Variants in DACH1 observed in about 807,000 individuals in gnomAD.
DACH1 encodes dachshund family transcription factor 1.
In DACH1, 12 loss-of-function variants were observed where a neutral mutation model predicts 54.2. The observed-to-expected ratio is 0.22, with a 90% confidence interval of 0.14 to 0.36. DACH1 has a LOEUF of 0.36. Among genes scored for constraint, DACH1 ranks in the 10% least tolerant of loss-of-function variants. The probability of loss-of-function intolerance (pLI) is 1.00; values close to 1 mark genes in which losing one functional copy is unlikely to be tolerated. For synonymous variants in DACH1, 386 were observed against 366.2 expected, an observed-to-expected ratio of 1.05 and a Z score of -0.62; for missense variants, 805 against 929.8, an observed-to-expected ratio of 0.87 and a Z score of 1.75.
chr13:71,675,194 C>G (rs1880484506), intron 2 of DACH1: 1 of 1,579,136 alleles, frequency 6.3e-7, no homozygotes, highest in East Asian at 2.2e-5. Context: ...CGTAACAGGC[C>G]TGGTACTGTG....
intron 6 of DACH1, among the ~76,000 whole-genome samples, chr13:71,511,016 A>C (rs953859799): frequency 3.9e-5 from 6 of 152,136 alleles, no homozygotes; most frequent in African/African-American, 1.4e-4. Context: ...TGTTTATACA[A>C]ATTCATTACT....
In DACH1 at chr13:71,821,423, TTTTAAA is replaced by T. The variant is rs111890612; in HGVS notation, c.848+44493_848+44498del. ...CCTTCTCAGCTTGATTATTCTAAGA[TTTTAAA>T]TTTAAATTTAAATTTAAATTCTAAG... On this transcript the variant is annotated intron_variant, in intron 1 of 10. Transcript: ENST00000613252. Among the ~76,000 whole-genome samples, 334 of 46,932 alleles carry T rather than the reference TTTTAAA, an allele frequency of 7.1e-3. 1 individual carries two copies. The highest frequency in any genetic ancestry group is 0.024 in the Middle Eastern group (2 of 82). The allele number at this position is 46,932 out of a possible 152,430, so 30.8% of individuals were successfully genotyped here. A position where few individuals can be genotyped will look rare whatever the true frequency, so the allele number is the denominator to read the frequency against.
intron 6 of DACH1, among the ~76,000 whole-genome samples, chr13:71,552,242 G>C (rs925071244): frequency 2.6e-5 from 4 of 152,072 alleles, no homozygotes; most frequent in African/African-American, 9.7e-5. Flanking sequence ...CTAGCTTTCA[G>C]TAAATATTTA....
At chr13:71,646,337 C>CA (rs1174658213) in intron 2 of DACH1, among the ~76,000 whole-genome samples, 1,006 of 97,798 alleles carry the variant, frequency 0.01, 8 homozygotes, top group Non-Finnish European at 0.015. Context: ...AACTCCGTCT[C>CA]AAAAAAAAAA....
intron 6 of DACH1, among the ~76,000 whole-genome samples, chr13:71,507,322 T>C (rs1240645036): frequency 2.0e-5 from 3 of 152,174 alleles, no homozygotes; most frequent in African/African-American, 7.2e-5. Flanking sequence ...TTTTTTAGCA[T>C]AGAAATTCTC....
rs984094988 is a variant in DACH1 at position 71,866,223 on chromosome 13, G to C, written c.547C>G (p.Pro183Ala). ...ACCATTTTGCACTCATTATTCTGAG[G>C]GGTGTTTTCCACTGGGGACGGGGTT... ...YSTPSPVENT[P>A]QNNECKMVDL... Residue 183 changes from proline (P) to alanine (A), a missense_variant, in exon 1 of 11, where the codon CCT (proline) becomes GCT (alanine). Pro to Ala is a conservative substitution (Grantham distance 27, BLOSUM62 -1). This residue lies in a region of DACH1 where 305 missense variants were observed against 308.7 expected (regional missense o/e 0.99). Transcript: ENST00000613252. The C allele has an allele frequency of 6.2e-7, 1 of 1,612,760 alleles. No homozygotes were observed. Among genetic ancestry groups the C allele is most frequent in the Non-Finnish European group, 8.5e-7 (1 of 1,179,382 alleles).
intron 3 of DACH1, among the ~76,000 whole-genome samples, chr13:71,610,629 A>T (rs1177520175): frequency 2.0e-5 from 3 of 152,162 alleles, no homozygotes; most frequent in Non-Finnish European, 4.4e-5. Context: ...GTATAATAAT[A>T]ATTTCACCAG....
At chr13:71,865,562 C>T (rs1297957942) in intron 1 of DACH1, among the ~76,000 whole-genome samples, 2 of 152,102 alleles carry the variant, frequency 1.3e-5, no homozygotes, top group African/African-American at 4.8e-5. Context: ...GAGGGGTCTC[C>T]AGGCGCCCGC....
rs377046469 is a variant in DACH1, at chr13:71,756,186, A to C, written c.849-74276T>G. ...CCTGGGACTACAGGCACATGCCACCACACTCGGCTAATTTTTTTTTCTTTT... is the reference window on the plus strand; with the variant it reads ...CCTGGGACTACAGGCACATGCCACCCCACTCGGCTAATTTTTTTTTCTTTT... On this transcript the variant is annotated intron_variant, in intron 1 of 10. Transcript: ENST00000613252. Among the ~76,000 whole-genome samples, 3 of 152,038 alleles carry C rather than the reference A, an allele frequency of 2.0e-5. No individual in the cohort carries two copies. The South Asian group carries it at 6.2e-4, about 32-fold the overall frequency.
At chr13:71,621,333 C>T (rs1021552844) in intron 3 of DACH1, among the ~76,000 whole-genome samples, 3 of 151,972 alleles carry the variant, frequency 2.0e-5, no homozygotes, top group Non-Finnish European at 4.4e-5. Flanking sequence ...GTCCCTGTCG[C>T]ATTTGCCCTT....
chr13:71,597,972 T>C (rs528759559), intron 3 of DACH1, among the ~76,000 whole-genome samples: 6 of 148,692 alleles, frequency 4.0e-5, no homozygotes, highest in Admixed American at 1.3e-4. Flanking sequence ...AAAAAAAATA[T>C]GGGAGGCTGA....
intron 1 of DACH1, among the ~76,000 whole-genome samples, chr13:71,692,721 C>T (rs1329532236): frequency 6.6e-6 from 1 of 151,718 alleles, no homozygotes; most frequent in African/African-American, 2.4e-5. Context: ...CGGGGTTTCA[C>T]CATATTGGCC....
chr13:71,828,716 C>G (rs571799730), intron 1 of DACH1, among the ~76,000 whole-genome samples: 50 of 151,958 alleles, frequency 3.3e-4, no homozygotes, highest in African/African-American at 1.1e-3. Flanking sequence ...TTACATGGTG[C>G]CTCTGTGGTT....
intron 2 of DACH1, 38 bp from the exon 3 acceptor site, chr13:71,630,755 C>A: frequency 4.0e-6 from 6 of 1,516,882 alleles, no homozygotes; most frequent in Non-Finnish European, 5.2e-6. Context: ...AATTCAAATT[C>A]TGATTTTTCA....
At chr13:71,477,656 G>A (rs1290115542) in intron 8 of DACH1, among the ~76,000 whole-genome samples, 1 of 151,990 alleles carries the variant, frequency 6.6e-6, no homozygotes, top group Non-Finnish European at 1.5e-5. Context: ...GATTATTTAT[G>A]AGTCTCTTTG....
At chr13:71,571,392 C>A (rs74095978) in intron 4 of DACH1, among the ~76,000 whole-genome samples, 1 of 152,084 alleles carries the variant, frequency 6.6e-6, no homozygotes, top group African/African-American at 2.4e-5. Context: ...CTCAATAATA[C>A]CTATTACCTA....
At chr13:71,502,599 G>A (rs1880011483) in intron 6 of DACH1, among the ~76,000 whole-genome samples, 1 of 152,156 alleles carries the variant, frequency 6.6e-6, no homozygotes, top group East Asian at 1.9e-4. Flanking sequence ...TGTCCAAGAG[G>A]TTCATTTCAG....
chr13:71,832,358 C>A (rs548341034), intron 1 of DACH1, among the ~76,000 whole-genome samples: 24 of 151,836 alleles, frequency 1.6e-4, no homozygotes, highest in African/African-American at 5.5e-4. Context: ...AATTTGACTC[C>A]AACATGTTAG....
rs183304708 is a variant in DACH1, at chr13:71,600,161, A to G, written c.1127-27149T>C. ...ACCAATAGGAAAGACACTCTGATGT[A>G]GAAAGATCATAGATTTAGAAATCAA... On this transcript the variant is annotated intron_variant, in intron 3 of 10. Coordinates refer to ENST00000613252, the MANE Select transcript of DACH1 (RefSeq NM_080759.6). Among the ~76,000 whole-genome samples the G allele has an allele frequency of 3.3e-3, 503 of 152,278 alleles. 5 individuals are homozygous for G. The Middle Eastern group carries it at 0.051, about 15-fold the overall frequency.
Sources: gnomAD v4.1 joint callset for allele counts (sites outside exome capture counted in the v4.1 genomes callset) on GRCh38, gnomAD v4.1.1 for gene constraint, gnomAD v4.1.1 regional missense constraint, MANE v1.5 for transcripts, NCBI Gene and HGNC (gene_info 2026-07-23, HGNC 2026-07-21) for gene names.